Variants in FAM133A observed in about 807,000 individuals in gnomAD.
The protein encoded by FAM133A is protein FAM133A.
For synonymous variants in FAM133A, 65 were observed against 58.6 expected (o/e 1.11, Z -0.50); for missense variants, 159 against 164.4 (o/e 0.97, Z 0.18).
rs1430329879 is a variant in FAM133A, at chrX:93,711,052, T to TGATGATC, written c.*887_*893dup. On this transcript the variant is annotated 3_prime_UTR_variant, in exon 4 of 4. Transcript: ENST00000683942. ...ATTATCTGACCATATTCTATATAAC[T>TGATGATC]GATGATCCTTTTTTAAGATATGATT... is the stretch of plus-strand genomic sequence containing the variant. 6 of 123,202 alleles carry TGATGATC rather than the reference T, an allele frequency of 4.9e-5. No homozygotes were observed. 10.2% of individuals were successfully genotyped at this position (123,202 alleles called of 1,213,427 possible).
At chrX:93,701,073 G>C (rs1263669011) in intron 3 of FAM133A, among the ~76,000 whole-genome samples, 1 of 111,470 alleles carries the variant, frequency 9.0e-6, no homozygotes, top group East Asian at 2.8e-4. Flanking sequence ...CTAGATGCTA[G>C]GGAAATGTTG....
chrX:93,707,428 G>C (rs774582884), intron 3 of FAM133A, among the ~76,000 whole-genome samples: 1 of 111,190 alleles, frequency 9.0e-6, no homozygotes, highest in Non-Finnish European at 1.9e-5. Flanking sequence ...GATGGAGATT[G>C]ATAGAAAAAT....
At chrX:93,705,861 A>T (rs1469698795) in intron 3 of FAM133A, among the ~76,000 whole-genome samples, 1 of 111,039 alleles carries the variant, frequency 9.0e-6, no homozygotes, top group Admixed American at 9.6e-5. Flanking sequence ...TGCCCTATGA[A>T]TATGCTCAAG....
intron 3 of FAM133A, among the ~76,000 whole-genome samples, chrX:93,704,781 T>A (rs1282861764): frequency 1.8e-5 from 2 of 112,110 alleles, no homozygotes; most frequent in Non-Finnish European, 3.8e-5. Context: ...GAAATTGAGA[T>A]GATTACTAGT....
At position 93,707,256 on chromosome X, in the gene FAM133A, A is replaced by G. The variant is rs917417019; in HGVS notation, c.-103-2061A>G. Among the ~76,000 whole-genome samples the G allele has an allele frequency of 6.0e-4, 67 of 111,764 alleles. 1 individual carries two copies. The highest frequency in any genetic ancestry group is 2.1e-3 in the African/African-American group (64 of 30,821). On this transcript the variant is annotated intron_variant, in intron 3 of 3. Transcript: ENST00000683942. ...GTAAGAGTAAGAATGAAAATTACAG[A>G]AAGACCTAAAAGGGCTGCCTATAAA...
chrX:93,709,888 G>A lies in FAM133A; in HGVS notation c.469G>A (p.Val157Ile), dbSNP rs746783331. ...ATCAGAATCAGAGAGCAAGGAGTCT[G>A]TAAAAAAGAAAAAGAAGTCAAAGGA... ...HESESESKES[V>I]KKKKKSKDET... is the part of the protein sequence containing the mutation. The change falls in exon 4 of 4, where the codon GTA becomes ATA. Residue 157 changes from valine to isoleucine, a missense_variant. Coordinates refer to ENST00000683942, the MANE Select transcript of FAM133A (RefSeq NM_001171109.2). The A allele has an allele frequency of 8.3e-7, 1 of 1,198,140 alleles. No individual in the cohort carries two copies. The highest frequency in any genetic ancestry group is 3.0e-5 in the East Asian group (1 of 33,389).
intron 2 of FAM133A, among the ~76,000 whole-genome samples, chrX:93,685,362 C>G (rs58816125): frequency 0.016 from 1,813 of 111,007 alleles, 44 homozygotes; most frequent in African/African-American, 0.056. Context: ...TCCTTTTTTC[C>G]TGTAGTTTTG....
intron 3 of FAM133A, among the ~76,000 whole-genome samples, chrX:93,706,863 TC>T (rs1927074424): frequency 1.8e-5 from 2 of 112,094 alleles, no homozygotes; most frequent in African/African-American, 6.5e-5. Context: ...TTTTAAGTGG[TC>T]CCATTGCCTT....
Position 93,710,144 on chromosome X carries a change from G to C in FAM133A, c.725G>C (p.Gly242Ala). 8.5e-7 allele frequency: 1 copy of C among 1,179,071 alleles called. No homozygotes were observed. The highest frequency in any genetic ancestry group is 1.1e-6 in the Non-Finnish European group (1 of 885,171). Residue 242 changes from glycine (G) to alanine (A), a missense_variant, in exon 4 of 4, where the codon GGA (glycine) becomes GCA (alanine). Gly to Ala is a moderately conservative substitution (Grantham distance 60). Coordinates refer to ENST00000683942, the MANE Select transcript of FAM133A (RefSeq NM_001171109.2). ...KHSKKKKKKS[G>A]SSHKSR The stretch of plus-strand genomic sequence containing the variant: ...AGTAAGAAGAAGAAAAAGAAGTCTG[G>C]ATCAAGTCACAAGTCAAGGTAACAT...
intron 2 of FAM133A, among the ~76,000 whole-genome samples, chrX:93,693,593 C>T (rs1031061304): frequency 2.7e-5 from 3 of 110,933 alleles, no homozygotes; most frequent in Non-Finnish European, 5.7e-5. Context: ...AAGGTAGAGA[C>T]AGCATTTTTC....
rs747156921 is a variant in FAM133A at position 93,709,628 on chromosome X, A to G, written c.209A>G (p.Lys70Arg). Residue 70 changes from lysine (K) to arginine (R), a missense_variant, in exon 4 of 4, where the codon AAG becomes AGG. Transcript: ENST00000683942. Reference protein sequence around the residue: ...EFEEKMNENWKKELEKSREKL... With the variant: ...EFEEKMNENWRKELEKSREKL... ...GAAGAAAAAATGAATGAAAATTGGA[A>G]GAAAGAACTTGAAAAAAGCAGAGAG... 21 of 1,193,173 alleles carry G rather than the reference A, an allele frequency of 1.8e-5. No individual in the cohort carries two copies. The South Asian group carries it at 3.6e-4, about 20-fold the overall frequency.
intron 3 of FAM133A, among the ~76,000 whole-genome samples, chrX:93,708,273 A>T (rs1022406636): frequency 3.6e-5 from 4 of 112,209 alleles, no homozygotes; most frequent in African/African-American, 1.3e-4. Context: ...TTGAGAAAAA[A>T]GGTGAGTGAA....
intron 2 of FAM133A, among the ~76,000 whole-genome samples, chrX:93,696,562 T>A (rs1298770650): frequency 9.0e-6 from 1 of 111,724 alleles, no homozygotes; most frequent in African/African-American, 3.3e-5. Flanking sequence ...TAATTGAGTA[T>A]ATGCAGTTAG....
intron 2 of FAM133A, among the ~76,000 whole-genome samples, chrX:93,677,158 C>T (rs190793789): frequency 6.4e-5 from 7 of 109,122 alleles, no homozygotes; most frequent in Non-Finnish European, 1.1e-4. Flanking sequence ...GATTTTTTGG[C>T]GGGGGGGCTA....
At chrX:93,696,723 A>T (rs1926304156) in intron 2 of FAM133A, among the ~76,000 whole-genome samples, 1 of 110,712 alleles carries the variant, frequency 9.0e-6, no homozygotes, top group Admixed American at 9.6e-5. Context: ...GATCGAGACC[A>T]TTCTGGCTAA....
intron 3 of FAM133A, among the ~76,000 whole-genome samples, chrX:93,707,558 C>CT (rs1247397512): frequency 9.0e-6 from 1 of 111,363 alleles, no homozygotes; most frequent in Non-Finnish European, 1.9e-5. Flanking sequence ...ATTTAGGCTT[C>CT]TTTTTATCTC....
At chrX:93,709,257 ATGTT>A (rs1927248544) in intron 3 of FAM133A, 56 bp from the exon 4 acceptor site, 4 of 710,225 alleles carry the variant, frequency 5.6e-6, no homozygotes, top group Non-Finnish European at 7.5e-6. Context: ...TTAAGCTTAT[ATGTT>A]TGTTTGTCTT....
intron 3 of FAM133A, among the ~76,000 whole-genome samples, chrX:93,701,784 T>C (rs1926724266): frequency 8.9e-6 from 1 of 112,238 alleles, no homozygotes; most frequent in Non-Finnish European, 1.9e-5. Context: ...GCATTGACAC[T>C]GGAACTATAG....
chrX:93,674,388 G>A (rs1924518129), intron 1 of FAM133A, 114 bp downstream of exon 1: 1 of 111,707 alleles, frequency 9.0e-6, no homozygotes, highest in African/African-American at 3.3e-5. Context: ...TAACAACCTT[G>A]TAGATAAAAC....
Sources: gnomAD v4.1 joint callset for allele counts (sites outside exome capture counted in the v4.1 genomes callset) on GRCh38, gnomAD v4.1.1 for gene constraint, MANE v1.5 for transcripts, NCBI Gene and HGNC (gene_info 2026-07-23, HGNC 2026-07-21) for gene names.